The following NARS2 variants were observed in gnomAD, a reference collection of about 807,000 sequenced individuals.
NARS2 encodes the protein asparaginyl-tRNA synthetase.
In NARS2, 60 loss-of-function variants were observed where a neutral mutation model predicts 62.9. The ratio of observed to expected loss-of-function variants is 0.95; its 90% CI spans 0.77 to 1.18. The LOEUF is 1.18. Among genes scored for constraint, NARS2 ranks in the 50% most tolerant of loss-of-function variants. The pLI is 0.00. For missense variants in NARS2, 619 were observed against 576.4 expected (o/e 1.07, Z -0.76); for synonymous variants, 196 against 200.0 (o/e 0.98, Z 0.17).
chr11:78,516,149 T>A (rs1037144456), intron 6 of NARS2, among the ~76,000 whole-genome samples: 2 of 152,228 alleles, frequency 1.3e-5, no homozygotes, highest in Admixed American at 6.5e-5. Context: ...TTGGATAATG[T>A]GGCTAAATAG....
Position 78,521,789 on chromosome 11 carries a change from C to CAAAAA in NARS2, c.689+7048_689+7052dup, listed in dbSNP as rs58282524. 6.9e-3 allele frequency among the ~76,000 whole-genome samples: 668 copies of CAAAAA among 96,252 alleles called. 27 individuals carry two copies. The highest frequency in any genetic ancestry group is 0.03 in the African/African-American group (626 of 21,168). The allele number at this position is 96,252 out of a possible 152,430, so 63.1% of individuals were successfully genotyped here. On this transcript the variant is annotated intron_variant, in intron 6 of 13. Coordinates refer to ENST00000281038, the MANE Select transcript of NARS2 (RefSeq NM_024678.6). ...TGGGCGACAGAGCGAGACTCCGTCT[C>CAAAAA]AAAAAAAAAAAAAAAAAAAAGAAAA...
At chr11:78,527,054 T>C (rs1861319357) in intron 6 of NARS2, among the ~76,000 whole-genome samples, 1 of 152,184 alleles carries the variant, frequency 6.6e-6, no homozygotes, top group Non-Finnish European at 1.5e-5. Context: ...TAAGTGAAGT[T>C]ACACGCTAAT....
chr11:78,560,609 CTA>C (rs1411083514), intron 4 of NARS2, among the ~76,000 whole-genome samples: 11 of 151,454 alleles, frequency 7.3e-5, no homozygotes, highest in Non-Finnish European at 1.2e-4. Flanking sequence ...TAGATTGTCT[CTA>C]TGCATTACTA....
chr11:78,569,588 T>C (rs1449648515), intron 2 of NARS2, among the ~76,000 whole-genome samples: 1 of 152,214 alleles, frequency 6.6e-6, no homozygotes, highest in Non-Finnish European at 1.5e-5. Context: ...AGATTCTCCA[T>C]CCAGTTTTGT....
At chr11:78,527,654 T>A (rs1861338521) in intron 6 of NARS2, among the ~76,000 whole-genome samples, 1 of 152,264 alleles carries the variant, frequency 6.6e-6, no homozygotes, top group Non-Finnish European at 1.5e-5. Flanking sequence ...TTTTCTCATC[T>A]GTGCATTTTT....
At chr11:78,446,298 G>C (rs1314666148) in intron 11 of NARS2, among the ~76,000 whole-genome samples, 2 of 152,118 alleles carry the variant, frequency 1.3e-5, no homozygotes, top group African/African-American at 4.8e-5. Context: ...TCATTACTAT[G>C]ATTAAAGAGA....
At chr11:78,492,138 T>A (rs912293783) in intron 7 of NARS2, among the ~76,000 whole-genome samples, 1 of 133,060 alleles carries the variant, frequency 7.5e-6, no homozygotes, top group Non-Finnish European at 1.7e-5. Flanking sequence ...CACACACATA[T>A]ATAGATTTTA....
intron 11 of NARS2, among the ~76,000 whole-genome samples, chr11:78,453,257 A>G (rs1289960410): frequency 1.3e-5 from 2 of 152,184 alleles, no homozygotes; most frequent in African/African-American, 2.4e-5. Context: ...TTGTAGGCCC[A>G]GAATGCTCTC....
chr11:78,509,567 C>T (rs1369613351), intron 6 of NARS2, among the ~76,000 whole-genome samples: 2 of 151,774 alleles, frequency 1.3e-5, no homozygotes, highest in Non-Finnish European at 2.9e-5. Flanking sequence ...AGTATTATTG[C>T]AAATTTTGGT....
chr11:78,500,542 C>CAGCT (rs1860241855), intron 6 of NARS2, among the ~76,000 whole-genome samples: 1 of 152,030 alleles, frequency 6.6e-6, no homozygotes, highest in Admixed American at 6.6e-5. Flanking sequence ...GGCACAAACA[C>CAGCT]AGCTCACTGT....
chr11:78,472,569 C>T (rs1187499733), intron 9 of NARS2, among the ~76,000 whole-genome samples: 2 of 152,122 alleles, frequency 1.3e-5, no homozygotes, highest in African/African-American at 2.4e-5. Flanking sequence ...CATTACTACA[C>T]GAGTTGCTGA....
At chr11:78,452,406 C>A (rs1158054081) in intron 11 of NARS2, among the ~76,000 whole-genome samples, 2 of 151,592 alleles carry the variant, frequency 1.3e-5, no homozygotes, top group Non-Finnish European at 2.9e-5. Context: ...CGTGTCTGGC[C>A]GATTTTTTTT....
intron 5 of NARS2, among the ~76,000 whole-genome samples, chr11:78,552,292 A>G (rs1856156870): frequency 1.3e-5 from 2 of 152,190 alleles, no homozygotes; most frequent in Non-Finnish European, 2.9e-5. Context: ...GATAGCCTCC[A>G]GTTCCATCCA....
At chr11:78,513,531 A>C (rs947491092) in intron 6 of NARS2, among the ~76,000 whole-genome samples, 3 of 151,996 alleles carry the variant, frequency 2.0e-5, no homozygotes, top group African/African-American at 7.2e-5. Context: ...TAATCCCAGC[A>C]CTTAGGGAAG....
intron 6 of NARS2, among the ~76,000 whole-genome samples, chr11:78,508,015 T>C (rs1011498330): frequency 6.6e-6 from 1 of 152,038 alleles, no homozygotes; most frequent in Admixed American, 6.6e-5. Context: ...AAATGATGTA[T>C]GAACAAAATG....
intron 1 of NARS2, 181 bp from the exon 2 acceptor site, chr11:78,571,625 A>C (rs1223328633): frequency 7.9e-6 from 4 of 503,196 alleles, no homozygotes; most frequent in African/African-American, 5.7e-5. Context: ...TAGGATACAC[A>C]CTTTGGTATT....
chr11:78,498,393 C>T (rs536667843), intron 6 of NARS2, among the ~76,000 whole-genome samples: 2 of 152,326 alleles, frequency 1.3e-5, no homozygotes, highest in African/African-American at 4.8e-5. Context: ...GTTCATTAAG[C>T]AGTAGCACTC....
intron 11 of NARS2, among the ~76,000 whole-genome samples, chr11:78,461,475 A>T (rs1053903964): frequency 3.9e-5 from 6 of 152,088 alleles, no homozygotes; most frequent in Non-Finnish European, 8.8e-5. Flanking sequence ...ATAAAGACTT[A>T]AAAGTCTGCT....
intron 11 of NARS2, among the ~76,000 whole-genome samples, chr11:78,458,660 G>A (rs1241109177): frequency 6.6e-6 from 1 of 152,184 alleles, no homozygotes; most frequent in African/African-American, 2.4e-5. Flanking sequence ...TGTTGGATTT[G>A]ATTCATTAAT....
Sources: allele counts gnomAD v4.1 joint callset (sites outside exome capture counted in the v4.1 genomes callset), GRCh38; gene constraint gnomAD v4.1.1; transcripts MANE v1.5; gene names NCBI Gene and HGNC (gene_info 2026-07-23, HGNC 2026-07-21).